IKZF3: variants seen among roughly 807,000 people sequenced by gnomAD.
The protein encoded by IKZF3 is IKAROS family zinc finger 3, also known as zinc finger protein Aiolos.
A neutral mutation model predicts 49.0 loss-of-function variants in IKZF3; 10 were observed. The ratio of observed to expected loss-of-function variants is 0.20; its 90% CI spans 0.13 to 0.35. The LOEUF (loss-of-function observed/expected upper bound fraction) is 0.35. Among genes scored for constraint, IKZF3 ranks in the 10% least tolerant of loss-of-function variants. The pLI, the probability that IKZF3 is intolerant of heterozygous loss-of-function variation, is 1.00. For synonymous variants in IKZF3, 209 were observed against 228.2 expected (o/e 0.92, Z 0.76); for missense variants, 498 against 664.8 (o/e 0.75, Z 2.76).
At chr17:39,839,106 T>C (rs1265574659) in intron 1 of IKZF3, among the ~76,000 whole-genome samples, 2 of 152,092 alleles carry the variant, frequency 1.3e-5, no homozygotes, top group Non-Finnish European at 2.9e-5. Flanking sequence ...GCTGGGATTA[T>C]AGGCATGAGC....
intron 1 of IKZF3, among the ~76,000 whole-genome samples, chr17:39,860,250 TAAAA>T (rs5820305): frequency 7.2e-6 from 1 of 138,532 alleles, no homozygotes. Context: ...AAAATAATAA[TAAAA>T]AAAAAAAACT....
rs555088519 is a variant in IKZF3 at position 39,849,647 on chromosome 17, G to A, written c.7+14473C>T. ...AACCTGGGCAACAGAGCGAGACTCC[G>A]TCTCAGGAAAAAAAACAAAACAAAC... On this transcript the variant is annotated intron_variant, in intron 1 of 7. Transcript: ENST00000346872. 9.2e-5 allele frequency among the ~76,000 whole-genome samples: 14 copies of A among 151,924 alleles called. No individual in the cohort carries two copies. The South Asian group carries it at 1.9e-3, about 20-fold the overall frequency.
chr17:39,820,359 G>A (rs57055584), intron 3 of IKZF3, among the ~76,000 whole-genome samples: 1 of 152,106 alleles, frequency 6.6e-6, no homozygotes, highest in South Asian at 2.1e-4. Context: ...TATAAAATGT[G>A]AGCAATATTA....
intron 3 of IKZF3, among the ~76,000 whole-genome samples, chr17:39,814,345 T>C (rs545800203): frequency 3.4e-4 from 50 of 146,486 alleles, no homozygotes; most frequent in African/African-American, 1.3e-3. Context: ...AGTAATTAAA[T>C]ACATACACCG....
At chr17:39,802,865 AT>A (rs1449918060) in intron 3 of IKZF3, among the ~76,000 whole-genome samples, 2 of 151,988 alleles carry the variant, frequency 1.3e-5, no homozygotes, top group Non-Finnish European at 2.9e-5. Context: ...CCATCAGTAA[AT>A]CACATCACTT....
chr17:39,810,963 G>A (rs753805568), intron 3 of IKZF3, among the ~76,000 whole-genome samples: 13 of 152,138 alleles, frequency 8.5e-5, no homozygotes, highest in Non-Finnish European at 1.8e-4. Flanking sequence ...AGGAAGGCTG[G>A]GCATGGTGGC....
chr17:39,839,251 T>C (rs1009761732), intron 1 of IKZF3: 5 of 330,810 alleles, frequency 1.5e-5, no homozygotes, highest in Non-Finnish European at 2.8e-5. Flanking sequence ...AGAAAAAATA[T>C]ATTCCCAATA....
chr17:39,835,945 C>T, intron 1 of IKZF3: 1 of 643,854 alleles, frequency 1.6e-6, no homozygotes, highest in Non-Finnish European at 2.9e-6. Context: ...TTCTCCTGGC[C>T]TAGAGTGTCC....
intron 1 of IKZF3, among the ~76,000 whole-genome samples, chr17:39,840,474 G>A (rs2062434182): frequency 6.6e-6 from 1 of 152,088 alleles, no homozygotes; most frequent in South Asian, 2.1e-4. Flanking sequence ...GGAAAGGTTG[G>A]TTCAATAGGA....
At chr17:39,839,738 A>C (rs1455020096) in intron 1 of IKZF3, among the ~76,000 whole-genome samples, 3 of 151,904 alleles carry the variant, frequency 2.0e-5, no homozygotes, top group Non-Finnish European at 4.4e-5. Flanking sequence ...AGCTCACTGC[A>C]ACCTTGACCT....
chr17:39,839,546 C>CA (rs1480768239), intron 1 of IKZF3: 2 of 538,840 alleles, frequency 3.7e-6, no homozygotes, highest in Non-Finnish European at 7.3e-6. Context: ...GAGGCAAGCA[C>CA]ACACCACGAT....
intron 5 of IKZF3, 37 bp from the exon 6 acceptor site, chr17:39,788,411 AGG>A: frequency 7.2e-7 from 1 of 1,393,768 alleles, no homozygotes; most frequent in Non-Finnish European, 1.0e-6. Context: ...AGTGACCCTC[AGG>A]GGTTCCACAC....
chr17:39,767,423 T>C (rs2060321521), intron 7 of IKZF3, among the ~76,000 whole-genome samples: 1 of 152,024 alleles, frequency 6.6e-6, no homozygotes, highest in South Asian at 2.1e-4. Flanking sequence ...TGAGGGCAGA[T>C]GTGCTCAGTG....
At chr17:39,815,716 C>T (rs1315529994) in intron 3 of IKZF3, among the ~76,000 whole-genome samples, 1 of 152,074 alleles carries the variant, frequency 6.6e-6, no homozygotes, top group East Asian at 1.9e-4. Context: ...TCCTATGGCT[C>T]AAGATCAGTC....
chr17:39,812,794 AACAG>A (rs1443021044), intron 3 of IKZF3, among the ~76,000 whole-genome samples: 4 of 152,198 alleles, frequency 2.6e-5, no homozygotes, highest in African/African-American at 9.6e-5. Context: ...ACTACTGCTT[AACAG>A]ACAAAGAATG....
intron 3 of IKZF3, among the ~76,000 whole-genome samples, chr17:39,824,000 A>G (rs1035244835): frequency 1.3e-5 from 2 of 152,172 alleles, no homozygotes; most frequent in African/African-American, 4.8e-5. Flanking sequence ...AGACCCCAGA[A>G]GGGTAGATCC....
intron 3 of IKZF3, among the ~76,000 whole-genome samples, chr17:39,800,450 T>C (rs556335084): frequency 4.3e-4 from 66 of 152,304 alleles, no homozygotes; most frequent in Non-Finnish European, 6.2e-4. Flanking sequence ...ACTGAACTTG[T>C]GGAGAAAAGA....
intron 6 of IKZF3, among the ~76,000 whole-genome samples, chr17:39,783,084 CA>C (rs2143788249): frequency 6.6e-6 from 1 of 152,202 alleles, no homozygotes. Context: ...TGTTTTTGTT[CA>C]AAATCCTTCA....
Position 39,792,436 on chromosome 17 carries a change from A to C in IKZF3, c.424+237T>G, listed in dbSNP as rs886081791. On this transcript the variant is annotated intron_variant, in intron 4 of 7. Coordinates refer to ENST00000346872, the MANE Select transcript of IKZF3 (RefSeq NM_012481.5). ...TGAAGAAAAAGTATTTGGCTGACCT[A>C]GAACACTGTGCTCTCTACAGTCTTT... Among the ~76,000 whole-genome samples, 3 of 152,244 alleles carry C rather than the reference A, an allele frequency of 2.0e-5. No homozygotes were observed. In the East Asian group the frequency reaches 5.8e-4, roughly 29 times the overall value.
Sources: gnomAD v4.1 joint callset for allele counts (sites outside exome capture counted in the v4.1 genomes callset) on GRCh38, gnomAD v4.1.1 for gene constraint, MANE v1.5 for transcripts, NCBI Gene and HGNC (gene_info 2026-07-23, HGNC 2026-07-21) for gene names.